EPHA6: variants seen among roughly 807,000 people sequenced by gnomAD.
EPHA6 encodes ephrin type-A receptor 6.
EPHA6 carries 50 observed loss-of-function variants against 112.0 expected under a neutral mutation model. The observed-to-expected ratio is 0.45, with a 90% confidence interval of 0.36 to 0.56. EPHA6 has a LOEUF of 0.56. Among genes scored for constraint, EPHA6 ranks in the 20% least tolerant of loss-of-function variants. The pLI, the probability that EPHA6 is intolerant of heterozygous loss-of-function variation, is 0.00. For missense variants in EPHA6, 1,280 were observed against 1,417.4 expected (o/e 0.90, Z 1.56); for synonymous variants, 529 against 490.7 (o/e 1.08, Z -1.03).
intron 5 of EPHA6, among the ~76,000 whole-genome samples, chr3:97,404,156 A>G (rs1300817465): frequency 1.3e-5 from 2 of 152,206 alleles, no homozygotes; most frequent in Non-Finnish European, 2.9e-5. Context: ...TGTGCAGTGT[A>G]TCTCTGAGAG....
At chr3:97,124,589 G>A (rs1225465859) in intron 3 of EPHA6, among the ~76,000 whole-genome samples, 1 of 152,096 alleles carries the variant, frequency 6.6e-6, no homozygotes, top group East Asian at 1.9e-4. Context: ...TTAGATTAGA[G>A]CGAGGTTAGT....
intron 3 of EPHA6, among the ~76,000 whole-genome samples, chr3:97,009,548 C>T (rs1344412361): frequency 6.6e-6 from 1 of 152,198 alleles, no homozygotes; most frequent in Admixed American, 6.5e-5. Context: ...AGGCAGTTGC[C>T]AGTCCCACTG....
chr3:97,682,941 A>G (rs914446281), intron 14 of EPHA6, among the ~76,000 whole-genome samples: 8 of 152,178 alleles, frequency 5.3e-5, no homozygotes, highest in African/African-American at 1.9e-4. Flanking sequence ...AATGTCAGTA[A>G]TTTGCTGTAA....
chr3:97,620,653 T>C (rs1331960362), intron 13 of EPHA6, among the ~76,000 whole-genome samples: 1 of 151,510 alleles, frequency 6.6e-6, no homozygotes, highest in Non-Finnish European at 1.5e-5. Context: ...GGCCAAGAAG[T>C]ATATGAAAAA....
chr3:97,680,433 T>C (rs1359248734), intron 14 of EPHA6, among the ~76,000 whole-genome samples: 1 of 152,242 alleles, frequency 6.6e-6, no homozygotes, highest in Non-Finnish European at 1.5e-5. Context: ...GATTAGACTC[T>C]CAGTTCCTTG....
chr3:96,937,982 G>A (rs1261800841), intron 2 of EPHA6, among the ~76,000 whole-genome samples: 1 of 151,904 alleles, frequency 6.6e-6, no homozygotes, highest in Non-Finnish European at 1.5e-5. Context: ...TGTTTTAGTA[G>A]CAGTACCATG....
rs146004272 is a variant in EPHA6, at chr3:97,189,374, T to C, written c.1115-36890T>C. 2.0e-5 allele frequency among the ~76,000 whole-genome samples: 3 copies of C among 152,176 alleles called. No homozygotes were observed. The East Asian group carries it at 5.8e-4, about 29-fold the overall frequency. ...GTAGAATCATGCAGTTCCTAGAAAG[T>C]TAGTTCAGCTGAGGGTTTTCTGAAA... On this transcript the variant is annotated intron_variant, in intron 3 of 17. Coordinates refer to ENST00000389672, the MANE Select transcript of EPHA6 (RefSeq NM_001080448.3).
intron 3 of EPHA6, among the ~76,000 whole-genome samples, chr3:97,193,038 A>G (rs1022183240): frequency 1.8e-4 from 27 of 152,194 alleles, no homozygotes; most frequent in African/African-American, 6.3e-4. Context: ...TTTGGTTACA[A>G]TAGTTCTGTA....
At chr3:97,453,300 C>T (rs1261018707) in intron 7 of EPHA6, among the ~76,000 whole-genome samples, 5 of 151,626 alleles carry the variant, frequency 3.3e-5, no homozygotes, top group African/African-American at 1.2e-4. Context: ...TAGTAATTGG[C>T]AATTTACCTC....
At chr3:97,203,639 G>A (rs1199269006) in intron 3 of EPHA6, among the ~76,000 whole-genome samples, 1 of 151,708 alleles carries the variant, frequency 6.6e-6, no homozygotes, top group Non-Finnish European at 1.5e-5. Flanking sequence ...GGTGTGGAGG[G>A]AAAAAACAAA....
At chr3:97,587,053 G>A (rs148092611) in intron 11 of EPHA6, among the ~76,000 whole-genome samples, 2,333 of 152,184 alleles carry the variant, frequency 0.015, 73 homozygotes, top group African/African-American at 0.053. Flanking sequence ...GACCAGCCTG[G>A]CCAACATAGT....
At chr3:97,283,800 A>G (rs542183432) in intron 5 of EPHA6, among the ~76,000 whole-genome samples, 1 of 152,262 alleles carries the variant, frequency 6.6e-6, no homozygotes, top group African/African-American at 2.4e-5. Context: ...TTATCAAGCA[A>G]TGACATTTAA....
At chr3:96,968,032 TTTCTC>T (rs1380925419) in intron 2 of EPHA6, among the ~76,000 whole-genome samples, 5 of 151,928 alleles carry the variant, frequency 3.3e-5, no homozygotes, top group African/African-American at 7.2e-5. Flanking sequence ...TTACTATTTT[TTTCTC>T]TTCTCTTTAT....
At chr3:97,431,048 A>G (rs2089470853) in intron 6 of EPHA6, among the ~76,000 whole-genome samples, 1 of 152,098 alleles carries the variant, frequency 6.6e-6, no homozygotes, top group Non-Finnish European at 1.5e-5. Flanking sequence ...AAAATTATGA[A>G]ATAATTTGAT....
At chr3:97,297,639 G>A (rs924028528) in intron 5 of EPHA6, among the ~76,000 whole-genome samples, 1 of 152,134 alleles carries the variant, frequency 6.6e-6, no homozygotes, top group Non-Finnish European at 1.5e-5. Context: ...CATATCTCAA[G>A]ATGGATTAAC....
At chr3:97,320,060 C>T (rs1306238102) in intron 5 of EPHA6, among the ~76,000 whole-genome samples, 4 of 152,024 alleles carry the variant, frequency 2.6e-5, no homozygotes, top group Non-Finnish European at 5.9e-5. Flanking sequence ...TTATCTATTT[C>T]TTCTTCTCTG....
At chr3:97,101,488 T>C (rs774184734) in intron 3 of EPHA6, among the ~76,000 whole-genome samples, 4 of 152,002 alleles carry the variant, frequency 2.6e-5, no homozygotes, top group Non-Finnish European at 4.4e-5. Context: ...TGTCATGTTG[T>C]TCATGTGGGA....
chr3:97,475,319 C>T (rs1270278570), intron 7 of EPHA6, 33 bp from the exon 8 acceptor site: 2 of 1,487,224 alleles, frequency 1.3e-6, no homozygotes, highest in South Asian at 2.4e-5. Flanking sequence ...AAATGTCACC[C>T]AGGGAAATTT....
At chr3:97,164,470 A>G (rs566502630) in intron 3 of EPHA6, among the ~76,000 whole-genome samples, 10 of 152,044 alleles carry the variant, frequency 6.6e-5, no homozygotes, top group Non-Finnish European at 1.0e-4. Flanking sequence ...TAAACCTCTC[A>G]TGTTGCTTAT....
Sources: allele counts gnomAD v4.1 joint callset (sites outside exome capture counted in the v4.1 genomes callset), GRCh38; gene constraint gnomAD v4.1.1; transcripts MANE v1.5; gene names NCBI Gene and HGNC (gene_info 2026-07-23, HGNC 2026-07-21).